Variants in SLC16A10 observed in about 807,000 individuals in gnomAD.
The protein encoded by SLC16A10 is monocarboxylate transporter 10.
In SLC16A10, 27 loss-of-function variants were observed where a neutral mutation model predicts 40.0. The ratio of observed to expected loss-of-function variants is 0.67; its 90% confidence interval spans 0.50 to 0.93. SLC16A10 has a LOEUF of 0.93. Ranked by LOEUF, SLC16A10 falls within the 40% of genes least tolerant of loss-of-function variation. The pLI, the probability that SLC16A10 is intolerant of heterozygous loss-of-function variation, is 0.00. For missense variants in SLC16A10, 529 were observed against 658.2 expected (o/e 0.80, Z 2.15); for synonymous variants, 213 against 249.8 (o/e 0.85, Z 1.39).
chr6:111,190,350 C>T (rs994704250), intron 3 of SLC16A10, among the ~76,000 whole-genome samples: 6 of 152,212 alleles, frequency 3.9e-5, no homozygotes, highest in African/African-American at 1.4e-4. Flanking sequence ...CATGGGCTGG[C>T]ATTGAGTGTC....
At chr6:111,124,351 G>A (rs1383580468) in intron 1 of SLC16A10, among the ~76,000 whole-genome samples, 1 of 150,090 alleles carries the variant, frequency 6.7e-6, no homozygotes. Context: ...TTCCCCAATA[G>A]AGTGATTTTT....
intron 1 of SLC16A10, among the ~76,000 whole-genome samples, chr6:111,111,225 A>C (rs1476650664): frequency 6.6e-6 from 1 of 152,214 alleles, no homozygotes; most frequent in African/African-American, 2.4e-5. Context: ...TTTTGTAAAA[A>C]AAATTGACAG....
intron 1 of SLC16A10, among the ~76,000 whole-genome samples, chr6:111,104,393 T>G (rs1583304602): frequency 6.6e-6 from 1 of 152,328 alleles, no homozygotes; most frequent in Non-Finnish European, 1.5e-5. Context: ...GCAGGAATTC[T>G]GGCAAAGAAT....
At chr6:111,161,541 G>T (rs898090135) in intron 1 of SLC16A10, among the ~76,000 whole-genome samples, 1 of 152,046 alleles carries the variant, frequency 6.6e-6, no homozygotes, top group African/African-American at 2.4e-5. Context: ...TGCTGACAGG[G>T]GTGCGGGGTG....
intron 1 of SLC16A10, among the ~76,000 whole-genome samples, chr6:111,098,946 G>A (rs1373378390): frequency 2.6e-5 from 4 of 152,206 alleles, no homozygotes; most frequent in African/African-American, 4.8e-5. Flanking sequence ...AATGATAAAT[G>A]TATGGAGTTT....
rs367670038 is a variant in SLC16A10, at chr6:111,124,797, C to G, written c.343+36702C>G. Among the ~76,000 whole-genome samples the G allele has an allele frequency of 2.6e-5, 4 of 152,260 alleles. No individual in the cohort carries two copies. The South Asian group carries it at 8.3e-4, about 32-fold the overall frequency. On this transcript the variant is annotated intron_variant, in intron 1 of 5. Coordinates refer to ENST00000368851, the MANE Select transcript of SLC16A10 (RefSeq NM_018593.5). Reference sequence around the variant, plus strand: ...CTCTACAAACATGAAGTAAAAAGTTCTTTACAGACTTTCTATAGGAAAAAT... The same window carrying G: ...CTCTACAAACATGAAGTAAAAAGTTGTTTACAGACTTTCTATAGGAAAAAT...
Position 111,158,913 on chromosome 6 carries a change from C to T in SLC16A10, c.344-13782C>T, listed in dbSNP as rs77835806. ...CCAGCCTGAGCTATAAGGCAAAACC[C>T]TGTCTCTACAAAAATTAGCCAGGTG... On this transcript the variant is annotated intron_variant, in intron 1 of 5. Coordinates refer to ENST00000368851, the MANE Select transcript of SLC16A10 (RefSeq NM_018593.5). 7.5e-4 allele frequency among the ~76,000 whole-genome samples: 113 copies of T among 151,640 alleles called. 1 individual carries two copies. The highest frequency in any genetic ancestry group is 2.4e-3 in the African/African-American group (100 of 41,316).
At chr6:111,203,715 A>T (rs1773208847) in intron 3 of SLC16A10, among the ~76,000 whole-genome samples, 1 of 45,256 alleles carries the variant, frequency 2.2e-5, no homozygotes, top group Non-Finnish European at 5.4e-5. Context: ...GCGAAACCCC[A>T]TCTCAAATAA....
chr6:111,177,741 G>A (rs548478351), intron 3 of SLC16A10, 76 bp downstream of exon 3: 7 of 1,348,486 alleles, frequency 5.2e-6, no homozygotes, highest in South Asian at 1.7e-5. Context: ...AAGTTAGGTC[G>A]AGTTAAAGTT....
chr6:111,198,102 C>T (rs1357986999), intron 3 of SLC16A10, among the ~76,000 whole-genome samples: 1 of 152,126 alleles, frequency 6.6e-6, no homozygotes, highest in Non-Finnish European at 1.5e-5. Context: ...GCACGGGCAA[C>T]ATGGTGAAAC....
chr6:111,100,498 C>G (rs1298154038), intron 1 of SLC16A10, among the ~76,000 whole-genome samples: 1 of 152,166 alleles, frequency 6.6e-6, no homozygotes, highest in East Asian at 1.9e-4. Flanking sequence ...AAGCGATTCT[C>G]CTGCTTCAGC....
chr6:111,169,288 C>T (rs771590216), intron 1 of SLC16A10, among the ~76,000 whole-genome samples: 20 of 152,152 alleles, frequency 1.3e-4, no homozygotes, highest in African/African-American at 3.1e-4. Flanking sequence ...GAGGTTCCAA[C>T]GGTGAGTCTT....
intron 1 of SLC16A10, among the ~76,000 whole-genome samples, chr6:111,125,291 C>G (rs996868672): frequency 6.6e-6 from 1 of 152,096 alleles, no homozygotes; most frequent in East Asian, 1.9e-4. Flanking sequence ...TAGTTCATCT[C>G]CAGGCCTCAT....
At chr6:111,185,198 C>T (rs761067099) in intron 3 of SLC16A10, among the ~76,000 whole-genome samples, 6 of 152,198 alleles carry the variant, frequency 3.9e-5, no homozygotes, top group Non-Finnish European at 8.8e-5. Context: ...TGTGCTTGTT[C>T]AAAGCCATTC....
Position 111,206,615 on chromosome 6 carries a change from T to C in SLC16A10, c.966T>C (p.Phe322=), listed in dbSNP as rs1364332479. 9 of 1,613,992 alleles carry C rather than the reference T, an allele frequency of 5.6e-6. No individual in the cohort carries two copies. The highest frequency in any genetic ancestry group is 8.5e-7 in the Non-Finnish European group (1 of 1,180,012). The change falls in exon 4 of 6, where the codon TTT becomes TTC. Residue 322 remains phenylalanine (F), a synonymous_variant. Coordinates refer to ENST00000368851, the MANE Select transcript of SLC16A10 (RefSeq NM_018593.5). The part of the protein sequence containing the change: ...VHLMKHVNER[F]QDEKNKEVVL... ...AGATGAAACATGTAAATGAAAGATT[T>C]CAAGATGAAAAAAATAAAGAGGTTG...
At chr6:111,220,150 T>C (rs1770863922) in intron 5 of SLC16A10, among the ~76,000 whole-genome samples, 2 of 152,158 alleles carry the variant, frequency 1.3e-5, no homozygotes, top group Non-Finnish European at 2.9e-5. Context: ...GGTAAATTCA[T>C]ACAGATAGAA....
intron 1 of SLC16A10, among the ~76,000 whole-genome samples, chr6:111,106,800 A>G (rs1771292098): frequency 6.6e-6 from 1 of 152,334 alleles, no homozygotes; most frequent in East Asian, 1.9e-4. Context: ...GAAATGGTTT[A>G]TGGAACAACA....
At chr6:111,089,918 T>G (rs1770943357) in intron 1 of SLC16A10, among the ~76,000 whole-genome samples, 2 of 101,176 alleles carry the variant, frequency 2.0e-5, no homozygotes, top group South Asian at 3.8e-4. Context: ...GTTTTTTTTT[T>G]TTTTTTTTTT....
chr6:111,221,045 G>T (rs1318370311), intron 5 of SLC16A10, among the ~76,000 whole-genome samples: 1 of 152,160 alleles, frequency 6.6e-6, no homozygotes, highest in Non-Finnish European at 1.5e-5. Context: ...TTATGTGTTG[G>T]TACTTAATTG....
Sources: allele counts gnomAD v4.1 joint callset (sites outside exome capture counted in the v4.1 genomes callset), GRCh38; gene constraint gnomAD v4.1.1; transcripts MANE v1.5; gene names NCBI Gene and HGNC (gene_info 2026-07-23, HGNC 2026-07-21).